The following CATSPERE variants were observed in gnomAD, a reference collection of about 807,000 sequenced individuals.
The protein encoded by CATSPERE is catsper channel auxiliary subunit epsilon.
Under a neutral mutation model 114.1 loss-of-function variants are expected in CATSPERE, and 93 were observed. The observed-to-expected ratio is 0.81, with a 90% CI of 0.69 to 0.97. The LOEUF is 0.97. Ranked by LOEUF, CATSPERE falls within the 50% of genes least tolerant of loss-of-function variation. CATSPERE has a pLI of 0.00. For synonymous variants in CATSPERE, 341 were observed against 384.1 expected (o/e 0.89, Z 1.31); for missense variants, 1,058 against 1,131.6 (o/e 0.93, Z 0.93).
chr1:244,573,412 AAAAACAAAAC>A lies in CATSPERE; in HGVS notation c.1950+665_1950+674del, dbSNP rs58959857. ...GGTGACAGAGTGAGACTCCCTCTCA[AAAAACAAAAC>A]AAAACAAAACAAAACAAAACAAAAA... is the stretch of plus-strand genomic sequence containing the variant. On this transcript the variant is annotated intron_variant, in intron 11 of 21. Coordinates refer to ENST00000366534, the MANE Select transcript of CATSPERE (RefSeq NM_001130957.2). This position sits in a 1 kb window ranked among gnomAD's most constrained non-coding sequence, Gnocchi z 4.0. 2.8e-4 allele frequency among the ~76,000 whole-genome samples: 42 copies of A among 150,042 alleles called. No homozygotes were observed. The highest frequency in any genetic ancestry group is 1.6e-3 in the East Asian group (8 of 5,030).
intron 6 of CATSPERE, among the ~76,000 whole-genome samples, chr1:244,496,792 G>A (rs1396461610): frequency 6.6e-6 from 1 of 152,186 alleles, no homozygotes; most frequent in Non-Finnish European, 1.5e-5. Flanking sequence ...AATAAGAACA[G>A]GGATAGGGTA....
At position 244,471,376 on chromosome 1, in the gene CATSPERE, G is replaced by C. The variant is rs188785779; in HGVS notation, c.115-6165G>C. Among the ~76,000 whole-genome samples the C allele has an allele frequency of 1.1e-4, 16 of 152,126 alleles. No individual in the cohort carries two copies. The East Asian group carries it at 3.1e-3, about 29-fold the overall frequency. ...TATTTCTTTAGTTCCTTTTGTAAAA[G>C]GCAAATTAATTGAGGTAATTACATA... On this transcript the variant is annotated intron_variant, in intron 2 of 21. Coordinates refer to ENST00000366534, the MANE Select transcript of CATSPERE (RefSeq NM_001130957.2).
At chr1:244,552,146 T>G (rs1660764885) in intron 8 of CATSPERE, among the ~76,000 whole-genome samples, 176 bp from the exon 9 acceptor site, 1 of 151,656 alleles carries the variant, frequency 6.6e-6, no homozygotes, top group Non-Finnish European at 1.5e-5. Context: ...ATTGTGTTCC[T>G]TTGGGACCAG....
At chr1:244,538,410 A>C (rs1369009048) in intron 8 of CATSPERE, among the ~76,000 whole-genome samples, 2 of 152,170 alleles carry the variant, frequency 1.3e-5, no homozygotes, top group African/African-American at 4.8e-5. Context: ...GTGTTTAGCA[A>C]TTCTGTTAAG....
At chr1:244,492,531 G>T (rs1283684665) in intron 6 of CATSPERE, among the ~76,000 whole-genome samples, 1 of 148,896 alleles carries the variant, frequency 6.7e-6, no homozygotes, top group East Asian at 2.0e-4. Context: ...TTGAAAACTG[G>T]CACAAGACAG....
rs143489430 is a variant in CATSPERE, at chr1:244,477,585, G to A, written c.159G>A (p.Val53=). 1.3e-5 allele frequency: 21 copies of A among 1,601,108 alleles called. No homozygotes were observed. Among genetic ancestry groups the A allele is most frequent in the African/African-American group, 2.7e-5 (2 of 74,564 alleles). ...YEGTLFTEWS[V]PETCFVLNKS... is the part of the protein sequence containing the mutation. ...GAACATTATTTACTGAGTGGAGTGTGCCAGAAACTTGTTTTGTGCTAAATA... is the reference window on the plus strand; with the variant it reads ...GAACATTATTTACTGAGTGGAGTGTACCAGAAACTTGTTTTGTGCTAAATA... Residue 53 remains valine (V), a synonymous_variant, in exon 3 of 22, where the codon GTG becomes GTA. Coordinates refer to ENST00000366534, the MANE Select transcript of CATSPERE (RefSeq NM_001130957.2).
intron 10 of CATSPERE, among the ~76,000 whole-genome samples, chr1:244,561,686 C>G (rs12562837): frequency 0.2 from 30,087 of 151,978 alleles, 4,465 homozygotes; most frequent in East Asian, 0.41. Context: ...AAGTTAGAAT[C>G]ATACATTGGG....
chr1:244,584,800 G>A (rs545554885), intron 13 of CATSPERE, among the ~76,000 whole-genome samples: 90 of 152,246 alleles, frequency 5.9e-4, no homozygotes, highest in African/African-American at 2.1e-3. Context: ...TTTAGAGGGA[G>A]CCTTGAACTG....
At chr1:244,557,030 A>G (rs1212814418) in intron 9 of CATSPERE, among the ~76,000 whole-genome samples, 1 of 152,160 alleles carries the variant, frequency 6.6e-6, no homozygotes, top group Non-Finnish European at 1.5e-5. Flanking sequence ...TTAGTTGGCT[A>G]TATATGCATG....
chr1:244,458,406 C>T (rs769449238), upstream of CATSPERE, among the ~76,000 whole-genome samples: 14 of 151,954 alleles, frequency 9.2e-5, no homozygotes, highest in South Asian at 8.3e-4. Context: ...TGGGTGTAGG[C>T]TTTTGCCATC....
At chr1:244,492,230 A>G (rs1414207376) in intron 6 of CATSPERE, among the ~76,000 whole-genome samples, 7 of 151,996 alleles carry the variant, frequency 4.6e-5, no homozygotes, top group African/African-American at 9.7e-5. Context: ...GCAGCACATC[A>G]AAAAGCTTAT....
intron 7 of CATSPERE, among the ~76,000 whole-genome samples, chr1:244,502,177 C>T (rs1463673117): frequency 6.6e-6 from 1 of 152,052 alleles, no homozygotes; most frequent in African/African-American, 2.4e-5. Context: ...TGATGACCAC[C>T]TTTATCTTTA....
At chr1:244,489,581 T>G (rs2148214784) in intron 5 of CATSPERE, among the ~76,000 whole-genome samples, 1 of 144,312 alleles carries the variant, frequency 6.9e-6, no homozygotes, top group East Asian at 2.1e-4. Flanking sequence ...GCTAATGGGG[T>G]TTGAAGAGGA....
rs935244860 is a variant in CATSPERE at position 244,464,677 on chromosome 1, AT to A, written c.114+731del. Among the ~76,000 whole-genome samples, 174 of 148,166 alleles carry A rather than the reference AT, an allele frequency of 1.2e-3. 1 individual carries two copies. Among genetic ancestry groups the A allele is most frequent in the East Asian group, 6.1e-3 (31 of 5,056 alleles). On this transcript the variant is annotated intron_variant, in intron 2 of 21. Transcript: ENST00000366534. Reference sequence around the variant, plus strand: ...AAAATTTGGTGTTATTAAATTTCCTATTTTTTTTTTACCAATCTCATTATTA... The same window carrying A: ...AAAATTTGGTGTTATTAAATTTCCTATTTTTTTTTACCAATCTCATTATTA...
intron 5 of CATSPERE, 115 bp from the exon 6 acceptor site, chr1:244,490,332 A>G (rs1671825949): frequency 4.7e-6 from 3 of 638,126 alleles, no homozygotes; most frequent in Non-Finnish European, 8.0e-6. Flanking sequence ...ATATACCGTA[A>G]TGAAATATAA....
At chr1:244,451,867 T>A (rs1397444727), upstream of CATSPERE, 1 of 1,489,442 alleles carries the variant, frequency 6.7e-7, no homozygotes, top group South Asian at 1.3e-5. The surrounding 1 kb of genome is among the most constrained non-coding windows in gnomAD (Gnocchi z 6.6). Flanking sequence ...CGGCGAGGAG[T>A]GAGCGAACTG....
intron 9 of CATSPERE, among the ~76,000 whole-genome samples, chr1:244,558,892 C>T (rs1662112339): frequency 6.6e-6 from 1 of 152,174 alleles, no homozygotes; most frequent in Admixed American, 6.6e-5. Context: ...CTCTCCACTC[C>T]CTTACCCCAC....
chr1:244,501,641 CTT>C (rs938403970), intron 7 of CATSPERE, among the ~76,000 whole-genome samples: 1 of 152,218 alleles, frequency 6.6e-6, no homozygotes, highest in African/African-American at 2.4e-5. Flanking sequence ...TAATTAAACA[CTT>C]TAAGTATGAT....
chr1:244,565,009 G>A, intron 10 of CATSPERE, among the ~76,000 whole-genome samples: 1 of 151,044 alleles, frequency 6.6e-6, no homozygotes, highest in East Asian at 1.9e-4. Context: ...AGACAAACAT[G>A]TGGTTTTTGT....
Sources: gnomAD v4.1 joint callset for allele counts (sites outside exome capture counted in the v4.1 genomes callset) on GRCh38, gnomAD v4.1.1 for gene constraint, Gnocchi (gnomAD v3.1) non-coding constraint, MANE v1.5 for transcripts, NCBI Gene and HGNC (gene_info 2026-07-23, HGNC 2026-07-21) for gene names.